Variants in ZC3HAV1 observed in about 807,000 individuals in gnomAD.
ZC3HAV1 encodes zinc finger CCCH-type antiviral protein 1.
Under a neutral mutation model 86.6 loss-of-function variants are expected in ZC3HAV1, and 41 were observed. The observed-to-expected ratio is 0.47, with a 90% confidence interval of 0.37 to 0.61. ZC3HAV1 has a LOEUF of 0.61. Ranked by LOEUF, ZC3HAV1 falls within the 20% of genes least tolerant of loss-of-function variation. The pLI, the probability that ZC3HAV1 is intolerant of heterozygous loss-of-function variation, is 0.00. For missense variants in ZC3HAV1, 964 were observed against 1,141.1 expected, an observed-to-expected ratio of 0.84 and a Z score of 2.24; for synonymous variants, 421 against 432.1, an observed-to-expected ratio of 0.97 and a Z score of 0.32.
At chr7:139,060,111 C>G (rs1475095608) in intron 9 of ZC3HAV1, among the ~76,000 whole-genome samples, 1 of 152,176 alleles carries the variant, frequency 6.6e-6, no homozygotes, top group Non-Finnish European at 1.5e-5. Context: ...AGCAACTCCC[C>G]TTCCTGAGGC....
chr7:139,078,456 G>A (rs1013838768), intron 5 of ZC3HAV1, 96 bp downstream of exon 5: 1 of 859,132 alleles, frequency 1.2e-6, no homozygotes, highest in Non-Finnish European at 1.8e-6. Flanking sequence ...TTGAAAGCAG[G>A]GTTTTCAGAA....
At chr7:139,070,237 T>G (rs1816728313) in intron 7 of ZC3HAV1, among the ~76,000 whole-genome samples, 1 of 152,198 alleles carries the variant, frequency 6.6e-6, no homozygotes, top group Non-Finnish European at 1.5e-5. Flanking sequence ...AACATTCATG[T>G]GTTTGCAGAT....
At chr7:139,084,088 C>T in intron 2 of ZC3HAV1, 56 bp from the exon 3 acceptor site, 10 of 1,587,030 alleles carry the variant, frequency 6.3e-6, no homozygotes, top group Non-Finnish European at 8.6e-7. Flanking sequence ...ATTTGCCAAA[C>T]ATTCATTAAG....
rs145812367 is a variant in ZC3HAV1, at chr7:139,080,132, C to A, written c.809G>T (p.Arg270Met). Residue 270 changes from arginine (R) to methionine (M), a missense_variant, in exon 4 of 13, where the codon AGG (arginine) becomes ATG (methionine). Coordinates refer to ENST00000242351, the MANE Select transcript of ZC3HAV1 (RefSeq NM_020119.4). ...CTGATCTGGACTAGGTGTGCAGGAC[C>A]TCTCAGCAGACGCTGAAGCAGACGC... ...FLASASASAE[R>M]SCTPSPDQIS... 1 of 1,614,198 alleles carries A rather than the reference C, an allele frequency of 6.2e-7. No homozygotes were observed. The highest frequency in any genetic ancestry group is 2.2e-5 in the East Asian group (1 of 44,882).
At chr7:139,073,748 C>T in intron 7 of ZC3HAV1, 108 bp downstream of exon 7, 2 of 1,174,236 alleles carry the variant, frequency 1.7e-6, no homozygotes, top group Non-Finnish European at 1.1e-6. Flanking sequence ...GCCTCAGCCT[C>T]CCAAAGTGCT....
intron 1 of ZC3HAV1, among the ~76,000 whole-genome samples, chr7:139,102,553 T>G (rs1349376069): frequency 6.6e-6 from 1 of 152,154 alleles, no homozygotes; most frequent in Non-Finnish European, 1.5e-5. Context: ...AGAGCAAGGT[T>G]ATAAATGGAG....
intron 7 of ZC3HAV1, among the ~76,000 whole-genome samples, chr7:139,071,300 C>G (rs1816766368): frequency 6.6e-6 from 1 of 151,966 alleles, no homozygotes; most frequent in East Asian, 1.9e-4. Context: ...CACAGTTTCA[C>G]CATGTTGGCC....
At chr7:139,100,850 G>GTCTCCC (rs1418197029) in intron 1 of ZC3HAV1, among the ~76,000 whole-genome samples, 14 of 148,192 alleles carry the variant, frequency 9.4e-5, no homozygotes, top group South Asian at 2.1e-4. Context: ...TCTTTCCACG[G>GTCTCCC]TCTCCCTCTC....
rs1817991635 is a variant in ZC3HAV1, at chr7:139,108,211, C to G, written c.308+813G>C. Reference sequence around the variant, plus strand: ...GGGAGCAAGCTCTCTTAGGGAGAAACTGGGAAGAAAATCACTCAAGAGTCT... The same window carrying G: ...GGGAGCAAGCTCTCTTAGGGAGAAAGTGGGAAGAAAATCACTCAAGAGTCT... On this transcript the variant is annotated intron_variant, in intron 1 of 12. Coordinates refer to ENST00000242351, the MANE Select transcript of ZC3HAV1 (RefSeq NM_020119.4). The surrounding 1 kb of genome is among the most constrained non-coding windows in gnomAD (Gnocchi z 4.2). Among the ~76,000 whole-genome samples, 1 of 151,500 alleles carries G rather than the reference C, an allele frequency of 6.6e-6. No homozygotes were observed. The highest frequency in any genetic ancestry group is 2.4e-5 in the African/African-American group (1 of 41,134).
chr7:139,109,253 G>GA lies in ZC3HAV1; in HGVS notation c.78_79insT (p.Leu27SerfsTer8), dbSNP rs1477058392. ...GGCTCAGACAGCGCGATCTCCTGGA[G>GA]CAGCGCGTCCAGGGCCATGCGGCCC... is the stretch of plus-strand genomic sequence containing the variant. On this transcript the variant is annotated frameshift_variant, in exon 1 of 13. Coordinates refer to ENST00000242351, the MANE Select transcript of ZC3HAV1 (RefSeq NM_020119.4). LOFTEE classifies it high-confidence loss of function. 6.2e-7 allele frequency: 1 copy of GA among 1,612,196 alleles called. No individual in the cohort carries two copies.
chr7:139,065,194 A>G (rs1816562523), intron 7 of ZC3HAV1, among the ~76,000 whole-genome samples, 195 bp from the exon 8 acceptor site: 1 of 152,162 alleles, frequency 6.6e-6, no homozygotes, highest in South Asian at 2.1e-4. Flanking sequence ...TAGAGAGAGA[A>G]GTCTATCCTG....
intron 5 of ZC3HAV1, 123 bp from the exon 6 acceptor site, chr7:139,076,532 A>G (rs1446196182): frequency 7.8e-7 from 1 of 1,285,126 alleles, no homozygotes; most frequent in Admixed American, 2.1e-5. Context: ...GGTTCCATCT[A>G]TACCAGCTGA....
intron 1 of ZC3HAV1, among the ~76,000 whole-genome samples, chr7:139,107,729 G>A (rs1023274216): frequency 2.0e-5 from 3 of 152,218 alleles, no homozygotes; most frequent in Admixed American, 2.0e-4. Context: ...CTTGAACCTG[G>A]GAGGTGGAGG....
intron 9 of ZC3HAV1, chr7:139,060,507 C>G: frequency 5.0e-6 from 5 of 992,406 alleles, no homozygotes; most frequent in Non-Finnish European, 6.0e-6. Flanking sequence ...CGCCCCTCAT[C>G]CTCTATAAAT....
At position 139,043,538 on chromosome 7, in the gene ZC3HAV1, TAGAC is replaced by T. The variant is rs1815877437; in HGVS notation, c.*4052_*4055del. 6.6e-6 allele frequency: 1 copy of T among 152,230 alleles called. No homozygotes were observed. The highest frequency in any genetic ancestry group is 1.5e-5 in the Non-Finnish European group (1 of 68,038). 9.4% of individuals were successfully genotyped at this position (152,230 alleles called of 1,614,324 possible). ...AACCAAATTAATTACTTCTTTTTATTAGACAGTTCAAATTAAGCTTGAAGAACAG... is the reference window on the plus strand; with the variant it reads ...AACCAAATTAATTACTTCTTTTTATTAGTTCAAATTAAGCTTGAAGAACAG... On this transcript the variant is annotated 3_prime_UTR_variant, in exon 13 of 13. Coordinates refer to ENST00000242351, the MANE Select transcript of ZC3HAV1 (RefSeq NM_020119.4).
chr7:139,061,246 C>T, intron 8 of ZC3HAV1, 108 bp from the exon 9 acceptor site: 5 of 1,031,734 alleles, frequency 4.8e-6, no homozygotes, highest in Non-Finnish European at 7.0e-6. Context: ...TCAAGACTGA[C>T]CTGTATGTAT....
Position 139,044,439 on chromosome 7 carries a change from T to C in ZC3HAV1, c.*3155A>G, listed in dbSNP as rs1476571191. 1 of 152,250 alleles carries C rather than the reference T, an allele frequency of 6.6e-6. No homozygotes were observed. The highest frequency in any genetic ancestry group is 1.5e-5 in the Non-Finnish European group (1 of 68,040). 9.4% of individuals were successfully genotyped at this position (152,250 alleles called of 1,614,324 possible). A position where few individuals can be genotyped will look rare whatever the true frequency, so the allele number is the denominator to read the frequency against. ...AATGAAATTCATCTTCTTTTCATTA[T>C]AAATTTCTTCTTTTCTATTTCTCCT... On this transcript the variant is annotated 3_prime_UTR_variant, in exon 13 of 13. Coordinates refer to ENST00000242351, the MANE Select transcript of ZC3HAV1 (RefSeq NM_020119.4).
intron 2 of ZC3HAV1, among the ~76,000 whole-genome samples, chr7:139,086,680 C>T (rs1475180584): frequency 6.6e-6 from 1 of 152,170 alleles, no homozygotes; most frequent in Non-Finnish European, 1.5e-5. Flanking sequence ...CCCATAATCC[C>T]CACGTGTCAT....
chr7:139,089,196 T>C (rs1215872068), intron 2 of ZC3HAV1, among the ~76,000 whole-genome samples: 2 of 150,552 alleles, frequency 1.3e-5, no homozygotes, highest in South Asian at 2.1e-4. Context: ...TATCAAGAGA[T>C]AGAGAAACAA....
Sources: allele counts gnomAD v4.1 joint callset (sites outside exome capture counted in the v4.1 genomes callset), GRCh38; gene constraint gnomAD v4.1.1; non-coding constraint Gnocchi (gnomAD v3.1); transcripts MANE v1.5; gene names NCBI Gene and HGNC (gene_info 2026-07-23, HGNC 2026-07-21).